Variants in OR51B5 observed in about 807,000 individuals in gnomAD.
The protein encoded by OR51B5 is olfactory receptor 51B5.
For missense variants in OR51B5, 456 were observed against 374.6 expected (o/e 1.22, Z -1.79); for synonymous variants, 186 against 144.8 (o/e 1.28, Z -2.04).
intron 1 of OR51B5, among the ~76,000 whole-genome samples, chr11:5,356,382 G>A (rs927504747): frequency 6.6e-6 from 1 of 151,678 alleles, no homozygotes; most frequent in African/African-American, 2.4e-5. Flanking sequence ...ATCAGTGATG[G>A]AAGATCAAAT....
intron 1 of OR51B5, chr11:5,422,671 G>A (rs774266998): frequency 3.2e-5 from 52 of 1,613,868 alleles, no homozygotes; most frequent in African/African-American, 4.0e-5. Context: ...GTGTTCTGGC[G>A]GTTCTTCCCT....
At position 5,343,254 on chromosome 11, in the gene OR51B5, CA is replaced by C; in HGVS notation, c.270del (p.Ile90MetfsTer50). On this transcript the variant is annotated frameshift_variant, in exon 1 of 1. Transcript: ENST00000300773. LOFTEE classifies it low-confidence loss of function (END_TRUNC). ...GCCTGGGAAAAGCAGGCCGCACTTC[CA>C]ATCTCCCTGTGATCCAGCCAGAGGA... The C allele has an allele frequency of 6.2e-7, 1 of 1,613,518 alleles. No individual in the cohort carries two copies. The highest frequency in any genetic ancestry group is 1.1e-5 in the South Asian group (1 of 91,002).
chr11:5,487,947 T>C (rs930182223), intron 1 of OR51B5, among the ~76,000 whole-genome samples: 12 of 152,352 alleles, frequency 7.9e-5, no homozygotes, highest in African/African-American at 2.9e-4. Context: ...AGCCTCTTCA[T>C]AGGCACTTCA....
intron 1 of OR51B5, among the ~76,000 whole-genome samples, chr11:5,380,001 AT>A (rs1849586938): frequency 6.6e-6 from 1 of 151,958 alleles, no homozygotes; most frequent in East Asian, 1.9e-4. Flanking sequence ...AAAAAAAAAA[AT>A]AAGCTACCCA....
intron 1 of OR51B5, among the ~76,000 whole-genome samples, chr11:5,369,269 C>T (rs1024420760): frequency 6.6e-6 from 1 of 151,936 alleles, no homozygotes; most frequent in Non-Finnish European, 1.5e-5. Flanking sequence ...ATATGTATGC[C>T]CATGTGTGTG....
intron 1 of OR51B5, among the ~76,000 whole-genome samples, chr11:5,458,279 G>A (rs1484117460): frequency 6.6e-6 from 1 of 152,076 alleles, no homozygotes; most frequent in Admixed American, 6.6e-5. Context: ...GATGGTTGTA[G>A]GTGTGTGGCT....
At chr11:5,425,493 A>G (rs1850434054) in intron 1 of OR51B5, among the ~76,000 whole-genome samples, 1 of 152,164 alleles carries the variant, frequency 6.6e-6, no homozygotes, top group South Asian at 2.1e-4. Flanking sequence ...TCTTGAGATA[A>G]ACTGTTTATT....
intron 1 of OR51B5, among the ~76,000 whole-genome samples, chr11:5,450,933 TA>T (rs547963675): frequency 8.9e-5 from 13 of 146,586 alleles, no homozygotes; most frequent in Admixed American, 2.0e-4. Flanking sequence ...GAACTTAAAG[TA>T]AAAAAAAAAG....
intron 1 of OR51B5, among the ~76,000 whole-genome samples, chr11:5,475,771 CAACT>C (rs1851296297): frequency 6.6e-6 from 1 of 152,146 alleles, no homozygotes. Context: ...ATTAGGCATA[CAACT>C]AATATTTTTG....
At chr11:5,456,103 C>A (rs1850954679) in intron 1 of OR51B5, 2 of 152,146 alleles carry the variant, frequency 1.3e-5, no homozygotes, top group Non-Finnish European at 2.9e-5. Context: ...AAAGGCAAGG[C>A]TTAGGGAAGC....
intron 1 of OR51B5, among the ~76,000 whole-genome samples, chr11:5,414,350 C>G (rs11037356): frequency 0.79 from 102,934 of 130,616 alleles, 42,398 homozygotes; most frequent in Non-Finnish European, 0.89. Flanking sequence ...AAAGACCATT[C>G]AGACTAGGAA....
intron 1 of OR51B5, among the ~76,000 whole-genome samples, chr11:5,497,909 T>C (rs1056865677): frequency 6.6e-6 from 1 of 152,148 alleles, no homozygotes; most frequent in Non-Finnish European, 1.5e-5. Flanking sequence ...TAGTATCCTC[T>C]TCCAAGGAAA....
chr11:5,421,827 T>A (rs1850343353), intron 1 of OR51B5, among the ~76,000 whole-genome samples: 1 of 152,232 alleles, frequency 6.6e-6, no homozygotes, highest in African/African-American at 2.4e-5. Flanking sequence ...GCATCACATT[T>A]ATACAATAGA....
At chr11:5,489,195 CTT>C in intron 1 of OR51B5, 1 of 1,468,584 alleles carries the variant, frequency 6.8e-7, no homozygotes, top group East Asian at 5.0e-5. Flanking sequence ...CCCCCTTCAT[CTT>C]CTTGCTGAGG....
At chr11:5,422,982 C>T (rs776427213) in intron 1 of OR51B5, 1 of 1,614,172 alleles carries the variant, frequency 6.2e-7, no homozygotes, top group Non-Finnish European at 8.5e-7. Flanking sequence ...GTTGGTGTAT[C>T]TATGACTCAT....
At chr11:5,360,962 G>A (rs1215214004) in intron 1 of OR51B5, among the ~76,000 whole-genome samples, 8 of 151,120 alleles carry the variant, frequency 5.3e-5, no homozygotes, top group East Asian at 1.9e-4. Context: ...GACACAGGAA[G>A]GGGAACATCA....
At chr11:5,473,307 T>C (rs1851256551) in intron 1 of OR51B5, among the ~76,000 whole-genome samples, 1 of 152,206 alleles carries the variant, frequency 6.6e-6, no homozygotes, top group South Asian at 2.1e-4. Flanking sequence ...AAGAAACTAA[T>C]GTAAGGGTCT....
chr11:5,451,543 C>T (rs971516709), intron 1 of OR51B5, among the ~76,000 whole-genome samples: 3 of 152,144 alleles, frequency 2.0e-5, no homozygotes, highest in African/African-American at 7.2e-5. Flanking sequence ...CAGTACAACA[C>T]GGAGGGACAG....
chr11:5,352,632 T>C (rs1360459146), intron 1 of OR51B5, among the ~76,000 whole-genome samples: 2 of 152,088 alleles, frequency 1.3e-5, no homozygotes. Context: ...ATTGCTGATT[T>C]GTATAAGATA....
Sources: allele counts gnomAD v4.1 joint callset (sites outside exome capture counted in the v4.1 genomes callset), GRCh38; gene constraint gnomAD v4.1.1; transcripts MANE v1.5; gene names NCBI Gene and HGNC (gene_info 2026-07-23, HGNC 2026-07-21).